MYH10: variants seen among roughly 807,000 people sequenced by gnomAD.
MYH10 encodes myosin-10.
MYH10 carries 55 observed loss-of-function variants against 257.8 expected under a neutral mutation model. The observed-to-expected ratio is 0.21, with a 90% CI of 0.17 to 0.27. The LOEUF is 0.27. Ranked by LOEUF, MYH10 falls within the 10% of genes least tolerant of loss-of-function variation. The pLI, the probability that MYH10 is intolerant of heterozygous loss-of-function variation, is 1.00. For missense variants in MYH10, 1,631 were observed against 2,500.6 expected (o/e 0.65, Z 7.42); for synonymous variants, 854 against 921.7 (o/e 0.93, Z 1.33).
chr17:8,478,217 A>G (rs185191288), intron 41 of MYH10, 121 bp downstream of exon 41: 3 of 840,506 alleles, frequency 3.6e-6, no homozygotes, highest in Admixed American at 4.3e-5. Context: ...GGAACAGCCC[A>G]CGTTAGCTGA....
rs574375236 is a variant in MYH10 at position 8,609,175 on chromosome 17, G to C, written c.346-4193C>G. Among the ~76,000 whole-genome samples, 3 of 152,316 alleles carry C rather than the reference G, an allele frequency of 2.0e-5. No homozygotes were observed. The South Asian group carries it at 6.2e-4, about 32-fold the overall frequency. On this transcript the variant is annotated intron_variant, in intron 2 of 42. Transcript: ENST00000360416. ...TTTAAGAAAGCAGGGCTATGTATAT[G>C]CATTGTTTCATAGGTTCAAAGGATT...
intron 3 of MYH10, among the ~76,000 whole-genome samples, chr17:8,592,298 T>C (rs1015643466): frequency 2.6e-5 from 4 of 151,134 alleles, no homozygotes; most frequent in Admixed American, 1.3e-4. Context: ...AGAAAGGAAA[T>C]GATAAAGAAA....
rs1357242103 is a variant in MYH10 at position 8,625,616 on chromosome 17, A to G, written c.-31-2339T>C. On this transcript the variant is annotated intron_variant, in intron 1 of 42. Transcript: ENST00000360416. ...TGCCTCAGCCTCCCAAGTAGCTGGGATTACAGGCAGGCCTGCACCATGACC... is the reference window on the plus strand; with the variant it reads ...TGCCTCAGCCTCCCAAGTAGCTGGGGTTACAGGCAGGCCTGCACCATGACC... 3.9e-5 allele frequency among the ~76,000 whole-genome samples: 6 copies of G among 151,970 alleles called. No homozygotes were observed. In the East Asian group the frequency reaches 1.2e-3, roughly 29 times the overall value.
chr17:8,613,406 G>A (rs1420376373), intron 2 of MYH10, among the ~76,000 whole-genome samples: 1 of 152,092 alleles, frequency 6.6e-6, no homozygotes, highest in Non-Finnish European at 1.5e-5. Context: ...TTAAAATATA[G>A]AGAGAATTAA....
intron 2 of MYH10, among the ~76,000 whole-genome samples, chr17:8,612,903 C>CAT (rs2085100169): frequency 6.6e-6 from 1 of 151,612 alleles, no homozygotes; most frequent in South Asian, 2.1e-4. Context: ...GAAAAAACAT[C>CAT]ATATATATAT....
chr17:8,505,186 T>C (rs1383522348), intron 27 of MYH10, among the ~76,000 whole-genome samples: 1 of 152,208 alleles, frequency 6.6e-6, no homozygotes, highest in Non-Finnish European at 1.5e-5. Context: ...CATTAAAAGG[T>C]AGGACACTCT....
In MYH10 at chr17:8,545,843, C is replaced by T. The variant is rs2082427171; in HGVS notation, c.1279-243G>A. ...ATAAAAATAAGCTCCTCCCCATGCG[C>T]CTGGGTCCTGGGTAGCACTGTCCGC... On this transcript the variant is annotated intron_variant, in intron 12 of 42. Transcript: ENST00000360416. This position sits in a 1 kb window ranked among gnomAD's most constrained non-coding sequence, Gnocchi z 4.7. 6.6e-6 allele frequency among the ~76,000 whole-genome samples: 1 copy of T among 152,022 alleles called. No homozygotes were observed. The highest frequency in any genetic ancestry group is 2.1e-4 in the South Asian group (1 of 4,822).
intron 3 of MYH10, among the ~76,000 whole-genome samples, chr17:8,599,468 T>C (rs1222105047): frequency 1.3e-5 from 2 of 152,190 alleles, no homozygotes; most frequent in Admixed American, 6.5e-5. Flanking sequence ...ATGTCAGTGA[T>C]GTACATGTAA....
At chr17:8,572,091 C>A (rs2083363640) in intron 6 of MYH10, among the ~76,000 whole-genome samples, 3 of 152,168 alleles carry the variant, frequency 2.0e-5, no homozygotes, top group African/African-American at 7.2e-5. Context: ...AAGAAAAAGA[C>A]TTTGATAGTC....
At chr17:8,489,708 A>AACAC (rs59065540) in intron 35 of MYH10, among the ~76,000 whole-genome samples, 50 of 93,144 alleles carry the variant, frequency 5.4e-4, no homozygotes, top group African/African-American at 1.8e-3. Flanking sequence ...CGTCTGAAAA[A>AACAC]ACACACACAC....
intron 13 of MYH10, among the ~76,000 whole-genome samples, chr17:8,544,471 A>G (rs1316415048): frequency 6.6e-6 from 1 of 152,104 alleles, no homozygotes; most frequent in Non-Finnish European, 1.5e-5. Context: ...TGCAATTTGT[A>G]CCCAGCCACT....
chr17:8,535,372 T>C lies in MYH10; in HGVS notation c.1894+15A>G. The C allele has an allele frequency of 1.3e-6, 2 of 1,591,088 alleles. No homozygotes were observed. The highest frequency in any genetic ancestry group is 2.2e-5 in the East Asian group (1 of 44,752). On this transcript the variant is annotated intron_variant, in intron 16 of 42. Transcript: ENST00000360416. The surrounding 1 kb of genome is among the most constrained non-coding windows in gnomAD (Gnocchi z 4.3). ...TTCCAGCCAAGCATGATTACAAAGA[T>C]AAGCACTTTCTTACCATCTTTCCAA...
intron 16 of MYH10, 148 bp from the exon 17 acceptor site, chr17:8,530,833 G>GT (rs1174097917): frequency 1.7e-6 from 1 of 573,424 alleles, no homozygotes; most frequent in African/African-American, 1.9e-5. Context: ...AAACATGACT[G>GT]TTTAGAGAAT....
At chr17:8,563,904 A>G (rs1156990198) in intron 7 of MYH10, among the ~76,000 whole-genome samples, 2 of 152,000 alleles carry the variant, frequency 1.3e-5, no homozygotes, top group Non-Finnish European at 2.9e-5. Flanking sequence ...AAAAAAAAAA[A>G]AAAGAGAGAG....
chr17:8,517,427 A>C lies in MYH10; in HGVS notation c.2504+1204T>G, dbSNP rs138328830. On this transcript the variant is annotated intron_variant, in intron 21 of 42. Transcript: ENST00000360416. Reference sequence around the variant, plus strand: ...GCTGACTTCCAGTCCAGGTGTTCAGATTCTGTTTGCTCAAAACTGTCTGGA... The same window carrying C: ...GCTGACTTCCAGTCCAGGTGTTCAGCTTCTGTTTGCTCAAAACTGTCTGGA... 2.2e-3 allele frequency among the ~76,000 whole-genome samples: 341 copies of C among 152,254 alleles called. 2 individuals carry two copies. Among genetic ancestry groups the C allele is most frequent in the Middle Eastern group, 0.01 (3 of 294 alleles).
At chr17:8,590,564 G>A (rs950409453) in intron 3 of MYH10, among the ~76,000 whole-genome samples, 10 of 151,920 alleles carry the variant, frequency 6.6e-5, no homozygotes, top group African/African-American at 1.9e-4. Context: ...CACCTGCCTC[G>A]GCCTCCCACA....
In MYH10 at chr17:8,504,063, G is replaced by C. The variant is rs1450787426; in HGVS notation, c.3599+631C>G. On this transcript the variant is annotated intron_variant, in intron 28 of 42. Transcript: ENST00000360416. The surrounding 1 kb of genome is among the most constrained non-coding windows in gnomAD (Gnocchi z 5.6). ...ACCGGCTCACTGCTAAGGCTCTCCT[G>C]CGACTCGTGGGCTGCCACACTGCAG... Among the ~76,000 whole-genome samples the C allele has an allele frequency of 6.6e-6, 1 of 152,224 alleles. No individual in the cohort carries two copies. Among genetic ancestry groups the C allele is most frequent in the African/African-American group, 2.4e-5 (1 of 41,450 alleles).
intron 2 of MYH10, among the ~76,000 whole-genome samples, chr17:8,613,638 G>C (rs552791064): frequency 6.6e-6 from 1 of 151,782 alleles, no homozygotes; most frequent in Non-Finnish European, 1.5e-5. Flanking sequence ...TATAACCAAC[G>C]GACAAAAAGA....
In MYH10 at chr17:8,501,091, G is replaced by A. The variant is rs1276340962; in HGVS notation, c.3600-121C>T. 40 of 1,069,018 alleles carry A rather than the reference G, an allele frequency of 3.7e-5. No individual in the cohort carries two copies. The East Asian group carries it at 8.4e-4, about 23-fold the overall frequency. The allele number at this position is 1,069,018 out of a possible 1,614,324, so 66.2% of individuals were successfully genotyped here. On this transcript the variant is annotated intron_variant, in intron 28 of 42. Transcript: ENST00000360416. Reference sequence around the variant, plus strand: ...ACATAAATTCCCTTAATAAATACTTGATGTGCTATTTCCAGTAGGCTGGCA... The same window carrying A: ...ACATAAATTCCCTTAATAAATACTTAATGTGCTATTTCCAGTAGGCTGGCA...
Sources: gnomAD v4.1 joint callset for allele counts (sites outside exome capture counted in the v4.1 genomes callset) on GRCh38, gnomAD v4.1.1 for gene constraint, Gnocchi (gnomAD v3.1) non-coding constraint, MANE v1.5 for transcripts, NCBI Gene and HGNC (gene_info 2026-07-23, HGNC 2026-07-21) for gene names.